The following MCM5 variants were observed in gnomAD, a reference collection of about 807,000 sequenced individuals.
MCM5 encodes the protein DNA replication licensing factor MCM5.
MCM5 carries 46 observed loss-of-function variants against 79.9 expected under a neutral mutation model. The observed-to-expected ratio is 0.58, with a 90% CI of 0.45 to 0.74. MCM5 has a LOEUF of 0.74. Ranked by LOEUF, MCM5 falls within the 30% of genes least tolerant of loss-of-function variation. The probability of loss-of-function intolerance (pLI) is 0.00; values close to 1 mark genes in which losing one functional copy is unlikely to be tolerated. For missense variants in MCM5, 883 were observed against 1,017.0 expected, an observed-to-expected ratio of 0.87 and a Z score of 1.79; for synonymous variants, 404 against 390.5, an observed-to-expected ratio of 1.03 and a Z score of -0.41.
At chr22:35,449,469 G>T in the MCM5 span, among the ~76,000 whole-genome samples, 6 of 152,144 alleles carry the variant, frequency 3.9e-5, no homozygotes, top group Admixed American at 2.0e-4. Context: ...CTTTTTCCCA[G>T]TTGCGGCTTC....
At chr22:35,423,169 C>T (rs2145803869) in intron 15 of MCM5, 45 bp from the exon 16 acceptor site, 1 of 1,516,506 alleles carries the variant, frequency 6.6e-7, no homozygotes, top group Non-Finnish European at 8.9e-7. Flanking sequence ...CCAAGAACTC[C>T]CATTGTCCCA....
At chr22:35,423,992 C>T (rs950171499) in intron 16 of MCM5, 162 bp from the exon 17 acceptor site, 21 of 567,326 alleles carry the variant, frequency 3.7e-5, no homozygotes, top group Non-Finnish European at 1.3e-5. Context: ...GCTTAGCCTC[C>T]GTGTGCCTCA....
chr22:35,452,216 C>T, the MCM5 span, among the ~76,000 whole-genome samples: 30,446 of 152,018 alleles, frequency 0.2, 3,441 homozygotes, highest in African/African-American at 0.31. Context: ...CCTTCAGCTT[C>T]GTCCAGCACC....
the MCM5 span, among the ~76,000 whole-genome samples, chr22:35,453,632 CAGAG>C: frequency 6.7e-6 from 1 of 149,950 alleles, no homozygotes; most frequent in Non-Finnish European, 1.5e-5. Context: ...AAGACAGAGA[CAGAG>C]GGACAGATAT....
intron 15 of MCM5, 71 bp from the exon 16 acceptor site, chr22:35,423,143 T>C: frequency 6.8e-7 from 1 of 1,473,586 alleles, no homozygotes; most frequent in South Asian, 1.4e-5. Flanking sequence ...TTCCTTGGGC[T>C]AGAGGCTGTC....
chr22:35,416,532 TG>T (rs1932547713), intron 11 of MCM5, 105 bp from the exon 12 acceptor site: 4 of 558,690 alleles, frequency 7.2e-6, no homozygotes, highest in Non-Finnish European at 1.2e-5. Context: ...TGTGTGTGTG[TG>T]TGTGTGTGTG....
chr22:35,419,330 G>A (rs1376686262), intron 13 of MCM5, among the ~76,000 whole-genome samples: 3 of 152,184 alleles, frequency 2.0e-5, no homozygotes, highest in Admixed American at 2.0e-4. Flanking sequence ...GGCTAGAGGG[G>A]AGGGGATGGG....
At chr22:35,444,491 A>T in the MCM5 span, among the ~76,000 whole-genome samples, 1 of 152,124 alleles carries the variant, frequency 6.6e-6, no homozygotes, top group Non-Finnish European at 1.5e-5. Context: ...CACATCCTGG[A>T]TCCCTCCTGG....
At chr22:35,415,678 A>C in intron 9 of MCM5, 151 bp from the exon 10 acceptor site, 1 of 817,714 alleles carries the variant, frequency 1.2e-6, no homozygotes, top group Non-Finnish European at 1.9e-6. Context: ...AGGGAGACGC[A>C]CTGAGTTGGA....
At chr22:35,438,919 T>TCATC in the MCM5 span, among the ~76,000 whole-genome samples, 12 of 100,030 alleles carry the variant, frequency 1.2e-4, no homozygotes, top group South Asian at 3.7e-4. Context: ...ACTCACATAT[T>TCATC]CATCCATCCA....
chr22:35,401,393 C>T, intron 2 of MCM5: 1 of 471,444 alleles, frequency 2.1e-6, no homozygotes, highest in African/African-American at 2.0e-5. Context: ...ATTGATTGAG[C>T]ACCTGCTGCC....
At position 35,408,436 on chromosome 22, in the gene MCM5, T is replaced by C. The variant is rs978329379; in HGVS notation, c.625T>C (p.Leu209=). 50 of 1,614,136 alleles carry C rather than the reference T, an allele frequency of 3.1e-5. No individual in the cohort carries two copies. The highest frequency in any genetic ancestry group is 3.9e-5 in the Non-Finnish European group (46 of 1,179,986). ...TCAGGCTGGGCGCCCCAAATGCCCA[T>C]TGGACCCGTACTTCATCATGCCCGA... The part of the protein sequence containing the change: ...TDQAGRPKCP[L]DPYFIMPDKC... The change falls in exon 6 of 17, where the codon TTG becomes CTG. Residue 209 remains leucine, a synonymous_variant. Coordinates refer to ENST00000216122, the MANE Select transcript of MCM5 (RefSeq NM_006739.4).
rs67092420 is a variant in MCM5 at position 35,406,298 on chromosome 22, CT to C, written c.424-254del. On this transcript the variant is annotated intron_variant, in intron 4 of 16. Coordinates refer to ENST00000216122, the MANE Select transcript of MCM5 (RefSeq NM_006739.4). ...CTTAGTGTATCTCTTGCCCTGCCAC[CT>C]CCCCCCCCAATTGTGCTGCGAGGTC... is the stretch of plus-strand genomic sequence containing the variant. Among the ~76,000 whole-genome samples the C allele has an allele frequency of 8.1e-5, 11 of 136,314 alleles. 1 individual carries two copies. Among genetic ancestry groups the C allele is most frequent in the African/African-American group, 1.7e-4 (6 of 35,640 alleles). The allele number at this position is 136,314 out of a possible 152,430, so 89.4% of individuals were successfully genotyped here.
intron 8 of MCM5, among the ~76,000 whole-genome samples, chr22:35,413,357 T>C (rs1238126777): frequency 1.3e-5 from 2 of 152,216 alleles, no homozygotes; most frequent in Non-Finnish European, 2.9e-5. Context: ...CAGGCATTCT[T>C]CTAAGTGCTT....
the MCM5 span, among the ~76,000 whole-genome samples, chr22:35,434,012 A>G: frequency 7.2e-5 from 11 of 152,376 alleles, no homozygotes; most frequent in South Asian, 2.1e-4. Flanking sequence ...ATTGAATGCA[A>G]ACGCACAAGA....
chr22:35,405,569 G>A (rs1387903126), intron 4 of MCM5, among the ~76,000 whole-genome samples: 1 of 151,898 alleles, frequency 6.6e-6, no homozygotes, highest in Non-Finnish European at 1.5e-5. Context: ...GATTCACCAT[G>A]TTGGCCAGGC....
chr22:35,449,674 C>T, the MCM5 span, among the ~76,000 whole-genome samples: 8 of 152,226 alleles, frequency 5.3e-5, no homozygotes, highest in East Asian at 3.8e-4. Context: ...GGCAGTTTTC[C>T]GGCACCTTGC....
chr22:35,446,344 G>T, the MCM5 span, among the ~76,000 whole-genome samples: 2 of 152,190 alleles, frequency 1.3e-5, no homozygotes, highest in South Asian at 4.1e-4. Context: ...TCTAGCACTG[G>T]GATTCCCCAC....
At chr22:35,424,109 C>T (rs746894245) in intron 16 of MCM5, 45 bp from the exon 17 acceptor site, 3 of 1,328,094 alleles carry the variant, frequency 2.3e-6, no homozygotes, top group African/African-American at 1.5e-5. Context: ...CTGTCGGAGT[C>T]CCCTCGGGCA....
Sources: allele counts gnomAD v4.1 joint callset (sites outside exome capture counted in the v4.1 genomes callset), GRCh38; gene constraint gnomAD v4.1.1; transcripts MANE v1.5; gene names NCBI Gene and HGNC (gene_info 2026-07-23, HGNC 2026-07-21).